The following SNX29 variants were observed in gnomAD, a reference collection of about 807,000 sequenced individuals.
SNX29 encodes the protein sorting nexin-29.
A neutral mutation model predicts 102.1 loss-of-function variants in SNX29; 78 were observed. That is an observed-to-expected ratio of 0.76 (90% CI 0.64 to 0.92). The LOEUF is 0.92. Ranked by LOEUF, SNX29 falls within the 40% of genes least tolerant of loss-of-function variation. SNX29 has a pLI of 0.00. For synonymous variants in SNX29, 580 were observed against 414.5 expected (o/e 1.40, Z -4.85); for missense variants, 1,280 against 1,061.7 (o/e 1.21, Z -2.86).
chr16:12,460,170 C>T (rs2086718718), intron 18 of SNX29, among the ~76,000 whole-genome samples: 1 of 152,234 alleles, frequency 6.6e-6, no homozygotes, highest in South Asian at 2.1e-4. Flanking sequence ...CTCACAAGAG[C>T]TGTTTTGCCG....
chr16:12,350,317 T>G (rs1005224027), intron 15 of SNX29, among the ~76,000 whole-genome samples: 4 of 152,240 alleles, frequency 2.6e-5, no homozygotes, highest in Admixed American at 6.5e-5. Context: ...AACAATATGG[T>G]AGAACAATTA....
At chr16:12,374,338 A>T (rs1425387723) in intron 16 of SNX29, 1 of 152,256 alleles carries the variant, frequency 6.6e-6, no homozygotes, top group African/African-American at 2.4e-5. Flanking sequence ...GACTGAATCC[A>T]GTCCCTCACC....
intron 7 of SNX29, among the ~76,000 whole-genome samples, chr16:12,049,649 T>G (rs1417000139): frequency 6.6e-6 from 1 of 152,032 alleles, no homozygotes; most frequent in African/African-American, 2.4e-5. Flanking sequence ...TAAAAAATTT[T>G]AATTAAAAAA....
At chr16:12,410,083 C>T (rs1489164379) in intron 18 of SNX29, among the ~76,000 whole-genome samples, 2 of 152,046 alleles carry the variant, frequency 1.3e-5, no homozygotes, top group South Asian at 2.1e-4. Context: ...CAAGCTCCAC[C>T]TCCCGGGTTC....
At chr16:12,022,012 A>C (rs931272062) in intron 3 of SNX29, among the ~76,000 whole-genome samples, 3 of 151,754 alleles carry the variant, frequency 2.0e-5, no homozygotes, top group Non-Finnish European at 4.4e-5. Flanking sequence ...TTTCAAATGC[A>C]GCAGGAGGAA....
chr16:12,296,672 A>G (rs199799037), intron 15 of SNX29, among the ~76,000 whole-genome samples: 1 of 149,306 alleles, frequency 6.7e-6, no homozygotes, highest in Non-Finnish European at 1.5e-5. Context: ...TACTTCTCCT[A>G]CTTAGTGATG....
At chr16:12,530,771 G>A (rs2076910530) in intron 20 of SNX29, among the ~76,000 whole-genome samples, 1 of 152,130 alleles carries the variant, frequency 6.6e-6, no homozygotes, top group Non-Finnish European at 1.5e-5. Context: ...GGCCAGGAGT[G>A]TCTCAAACTC....
chr16:12,422,904 G>A (rs924773006), intron 18 of SNX29, among the ~76,000 whole-genome samples: 3 of 152,200 alleles, frequency 2.0e-5, no homozygotes, highest in Non-Finnish European at 4.4e-5. Context: ...AGGCTTTAAA[G>A]GTTGGACTGG....
At chr16:12,000,363 G>C (rs1170099677) in intron 2 of SNX29, 1 of 152,178 alleles carries the variant, frequency 6.6e-6, no homozygotes, top group Non-Finnish European at 1.5e-5. Flanking sequence ...AGCTCAGAGG[G>C]ATCCAACAAC....
At chr16:12,566,369 AACC>A (rs1451591823) in intron 20 of SNX29, among the ~76,000 whole-genome samples, 1 of 151,970 alleles carries the variant, frequency 6.6e-6, no homozygotes, top group Non-Finnish European at 1.5e-5. Flanking sequence ...CTCCTCTCCC[AACC>A]AACAAGGCAC....
rs188497399 is a variant in SNX29 at position 12,240,816 on chromosome 16, G to T, written c.1679-37117G>T. ...AGATGGTCTTTCACCATGTTGGCCA[G>T]GCTGGTCTCCATCTGCTGACCTCAA... On this transcript the variant is annotated intron_variant, in intron 14 of 20. Transcript: ENST00000566228. 2.5e-3 allele frequency among the ~76,000 whole-genome samples: 379 copies of T among 152,030 alleles called. 6 individuals carry two copies. Among genetic ancestry groups the T allele is most frequent in the South Asian group, 0.011 (53 of 4,808 alleles).
chr16:12,232,947 T>A (rs1294583816), intron 14 of SNX29, among the ~76,000 whole-genome samples: 1 of 152,222 alleles, frequency 6.6e-6, no homozygotes, highest in Non-Finnish European at 1.5e-5. Context: ...ACCCGGAACT[T>A]GTCCTCCCAA....
chr16:12,022,091 GTT>G lies in SNX29; in HGVS notation c.123-5211_123-5210del, dbSNP rs34463878. Reference sequence around the variant, plus strand: ...ACTTTTACTGAGCACCTGGGGGGAAGTTTTTTTTTTTTTTTTTTTAAACAGCT... The same window carrying G: ...ACTTTTACTGAGCACCTGGGGGGAAGTTTTTTTTTTTTTTTTTAAACAGCT... On this transcript the variant is annotated intron_variant, in intron 3 of 20. Transcript: ENST00000566228. Among the ~76,000 whole-genome samples, 243 of 131,184 alleles carry G rather than the reference GTT, an allele frequency of 1.9e-3. 2 individuals carry two copies. Among genetic ancestry groups the G allele is most frequent in the African/African-American group, 4.3e-3 (149 of 34,872 alleles). The allele number at this position is 131,184 out of a possible 152,430, so 86.1% of individuals were successfully genotyped here. A position where few individuals can be genotyped will look rare whatever the true frequency, so the allele number is the denominator to read the frequency against.
chr16:11,987,931 A>G (rs928376510), intron 1 of SNX29, among the ~76,000 whole-genome samples: 6 of 152,186 alleles, frequency 3.9e-5, no homozygotes, highest in Non-Finnish European at 5.9e-5. Flanking sequence ...TACTGCACCC[A>G]TAGATTGTTA....
At chr16:12,393,571 G>T (rs893690162) in intron 16 of SNX29, among the ~76,000 whole-genome samples, 2 of 152,140 alleles carry the variant, frequency 1.3e-5, no homozygotes, top group Non-Finnish European at 2.9e-5. Context: ...TAACCAGCGT[G>T]GAGTCATTAC....
At position 12,050,918 on chromosome 16, in the gene SNX29, A is replaced by C. The variant is rs1305176489; in HGVS notation, c.749-929A>C. 7.9e-5 allele frequency among the ~76,000 whole-genome samples: 12 copies of C among 151,056 alleles called. No homozygotes were observed. In the South Asian group the frequency reaches 2.5e-3, roughly 32 times the overall value. ...GTATTTTTAATACAGACGGGGTTTCACCATGTTTGCCAGGCTGGTCTTGAA... is the reference window on the plus strand; with the variant it reads ...GTATTTTTAATACAGACGGGGTTTCCCCATGTTTGCCAGGCTGGTCTTGAA... On this transcript the variant is annotated intron_variant, in intron 7 of 20. Coordinates refer to ENST00000566228, the MANE Select transcript of SNX29 (RefSeq NM_032167.5).
At chr16:12,037,178 G>A (rs368464638) in intron 4 of SNX29, among the ~76,000 whole-genome samples, 77 of 152,262 alleles carry the variant, frequency 5.1e-4, no homozygotes, top group Middle Eastern at 6.8e-3. Flanking sequence ...GATCTCTATC[G>A]CAGTGACTCA....
rs1029911493 is a variant in SNX29 at position 12,571,080 on chromosome 16, G to C, written c.*2451G>C. On this transcript the variant is annotated 3_prime_UTR_variant, in exon 21 of 21. Coordinates refer to ENST00000566228, the MANE Select transcript of SNX29 (RefSeq NM_032167.5). ...AAATGCTGGTGGCCCGCACATGACA[G>C]CAACTCCCCGAAGCCTTCCCTTTGG... 5.2e-5 allele frequency: 12 copies of C among 232,500 alleles called. No homozygotes were observed. The highest frequency in any genetic ancestry group is 8.5e-5 in the Non-Finnish European group (10 of 117,666). The allele number at this position is 232,500 out of a possible 1,614,324, so 14.4% of individuals were successfully genotyped here. A position where few individuals can be genotyped will look rare whatever the true frequency, so the allele number is the denominator to read the frequency against.
intron 15 of SNX29, among the ~76,000 whole-genome samples, chr16:12,288,436 C>G (rs1425022305): frequency 6.6e-6 from 1 of 152,156 alleles, no homozygotes; most frequent in Non-Finnish European, 1.5e-5. Flanking sequence ...GAGCTGCCAC[C>G]CTCTGTTTGC....
Sources: gnomAD v4.1 joint callset for allele counts (sites outside exome capture counted in the v4.1 genomes callset) on GRCh38, gnomAD v4.1.1 for gene constraint, MANE v1.5 for transcripts, NCBI Gene and HGNC (gene_info 2026-07-23, HGNC 2026-07-21) for gene names.